The following MBOAT4 variants were observed in gnomAD, a reference collection of about 807,000 sequenced individuals.
The protein encoded by MBOAT4 is membrane-bound ghrelin O-acyltransferase MBOAT4.
MBOAT4 carries 11 observed loss-of-function variants against 13.2 expected under a neutral mutation model. The observed-to-expected ratio is 0.84, with a 90% CI of 0.53 to 1.38. The LOEUF (loss-of-function observed/expected upper bound fraction) is 1.38, where lower values mean the gene tolerates loss of function less well. Ranked by LOEUF, MBOAT4 falls within the 40% of genes most tolerant of loss-of-function variation. The pLI is 0.00. For missense variants in MBOAT4, 481 were observed against 527.2 expected (o/e 0.91, Z 0.86); for synonymous variants, 202 against 210.3 (o/e 0.96, Z 0.34).
intron 2 of MBOAT4, chr8:30,137,397 C>T: frequency 6.4e-7 from 1 of 1,551,646 alleles, no homozygotes; most frequent in South Asian, 1.2e-5. Flanking sequence ...GCAGAGTGTC[C>T]ACTCAACCCG....
intron 2 of MBOAT4, chr8:30,138,042 A>G (rs981522157): frequency 5.8e-6 from 1 of 173,032 alleles, no homozygotes; most frequent in South Asian, 1.3e-4. Flanking sequence ...GACTCAATGC[A>G]AGAAGACTGT....
chr8:30,137,207 G>A (rs1803166892), intron 2 of MBOAT4: 2 of 1,203,206 alleles, frequency 1.7e-6, no homozygotes, highest in Non-Finnish European at 1.2e-6. Context: ...CTCATCTCAG[G>A]GATCTTGCTG....
intron 1 of MBOAT4, among the ~76,000 whole-genome samples, chr8:30,140,377 C>T (rs946813824): frequency 3.9e-5 from 6 of 152,284 alleles, no homozygotes; most frequent in African/African-American, 7.2e-5. Context: ...CATAAGCCAT[C>T]GCGCCCGGCC....
intron 2 of MBOAT4, among the ~76,000 whole-genome samples, chr8:30,136,422 C>G (rs932150188): frequency 6.6e-6 from 1 of 152,192 alleles, no homozygotes; most frequent in African/African-American, 2.4e-5. Context: ...TCAGTGACTT[C>G]CAGCCTCCAG....
intron 2 of MBOAT4, among the ~76,000 whole-genome samples, chr8:30,136,714 A>G (rs1407395314): frequency 6.7e-6 from 1 of 149,044 alleles, no homozygotes; most frequent in Non-Finnish European, 1.5e-5. Context: ...TGGTGAAAAT[A>G]GTCTCTCCCC....
At chr8:30,133,390 C>A (rs1292217482) in intron 2 of MBOAT4, among the ~76,000 whole-genome samples, 1 of 152,122 alleles carries the variant, frequency 6.6e-6, no homozygotes, top group Non-Finnish European at 1.5e-5. Flanking sequence ...ATATGTATAT[C>A]TGTATGAATA....
intron 2 of MBOAT4, 104 bp downstream of exon 2, chr8:30,138,428 G>C (rs1278914390): frequency 1.2e-6 from 1 of 825,878 alleles, no homozygotes; most frequent in Non-Finnish European, 1.9e-6. Context: ...GGTCAAATGT[G>C]GAAAAATTAG....
In MBOAT4 at chr8:30,136,338, G is replaced by A. The variant is rs74739379; in HGVS notation, c.344+2194C>T. On this transcript the variant is annotated intron_variant, in intron 2 of 2. Coordinates refer to ENST00000320542, the MANE Select transcript of MBOAT4 (RefSeq NM_001100916.2). ...ACAGACAGAGGAGTGACCATCACGC[G>A]GACATACAGGGACACTGCCACCCGC... 2.7e-3 allele frequency among the ~76,000 whole-genome samples: 410 copies of A among 152,264 alleles called. 1 individual carries two copies. The highest frequency in any genetic ancestry group is 9.4e-3 in the African/African-American group (390 of 41,548).
Position 30,132,683 on chromosome 8 carries a change from C to A in MBOAT4, c.568G>T (p.Val190Phe). 6.4e-7 allele frequency: 1 copy of A among 1,551,776 alleles called. No homozygotes were observed. The highest frequency in any genetic ancestry group is 8.7e-7 in the Non-Finnish European group (1 of 1,147,008). Residue 190 changes from valine (V) to phenylalanine (F), a missense_variant, in exon 3 of 3, where the codon GTT (valine) becomes TTT (phenylalanine). By Grantham distance (50) the Val-to-Phe change is conservative. Transcript: ENST00000320542. ...LCSFQRFQAR[V>F]QGSSALHPRH... Reference sequence around the variant, plus strand: ...GGATGCAAAGCACTGGACCCTTGAACACGAGCCTGAAATCGCTGGAAGGAG... The same window carrying A: ...GGATGCAAAGCACTGGACCCTTGAAAACGAGCCTGAAATCGCTGGAAGGAG...
chr8:30,138,160 C>T (rs529414426), intron 2 of MBOAT4: 9 of 174,008 alleles, frequency 5.2e-5, no homozygotes, highest in Admixed American at 4.4e-4. Flanking sequence ...CCCAAATGCT[C>T]AGGGAAACTG....
At chr8:30,135,783 G>A (rs1803126243) in intron 2 of MBOAT4, among the ~76,000 whole-genome samples, 2 of 151,866 alleles carry the variant, frequency 1.3e-5, no homozygotes, top group Admixed American at 6.6e-5. Flanking sequence ...ATGTGGTGGT[G>A]CATGCCTGTG....
At chr8:30,143,777 T>C (rs1803303190) in intron 1 of MBOAT4, among the ~76,000 whole-genome samples, 1 of 152,248 alleles carries the variant, frequency 6.6e-6, no homozygotes, top group Middle Eastern at 3.2e-3. Flanking sequence ...GATGTAACTT[T>C]ATATAAAATT....
At chr8:30,137,692 G>A in intron 2 of MBOAT4, 1 of 583,584 alleles carries the variant, frequency 1.7e-6, no homozygotes, top group Non-Finnish European at 3.0e-6. Flanking sequence ...GTTCATTCCC[G>A]GGACTCATTT....
In MBOAT4 at chr8:30,132,049, C is replaced by G; in HGVS notation, c.1202G>C (p.Ser401Thr). ...AYIMLAVEVR[S>T]LSSLWLLCNS... The stretch of plus-strand genomic sequence containing the variant: ...ACAGAGCAACCAGAGAGAGGAGAGA[C>G]TCCTGACCTCCACAGCCAGCATGAT... Residue 401 changes from serine to threonine, a missense_variant, in exon 3 of 3, where the codon AGT (serine) becomes ACT (threonine). Ser to Thr is a moderately conservative substitution (Grantham distance 58, BLOSUM62 1). Coordinates refer to ENST00000320542, the MANE Select transcript of MBOAT4 (RefSeq NM_001100916.2). 6.4e-7 allele frequency: 1 copy of G among 1,551,798 alleles called. No individual in the cohort carries two copies. The highest frequency in any genetic ancestry group is 2.0e-5 in the Admixed American group (1 of 51,006).
In MBOAT4 at chr8:30,143,294, G is replaced by C. The variant is rs543034129; in HGVS notation, c.119+1189C>G. 3.8e-3 allele frequency among the ~76,000 whole-genome samples: 575 copies of C among 149,742 alleles called. 6 individuals are homozygous for C. The highest frequency in any genetic ancestry group is 0.014 in the African/African-American group (544 of 40,090). On this transcript the variant is annotated intron_variant, in intron 1 of 2. Coordinates refer to ENST00000320542, the MANE Select transcript of MBOAT4 (RefSeq NM_001100916.2). ...ATCCAGGAGGTGGAGGTTGCAGTGA[G>C]CCGAGATCGTGCCACTGCACTCCAG...
At chr8:30,136,343 T>C (rs1194806955) in intron 2 of MBOAT4, among the ~76,000 whole-genome samples, 1 of 152,140 alleles carries the variant, frequency 6.6e-6, no homozygotes, top group Non-Finnish European at 1.5e-5. Context: ...CACGCGGACA[T>C]ACAGGGACAC....
intron 2 of MBOAT4, among the ~76,000 whole-genome samples, 169 bp from the exon 3 acceptor site, chr8:30,133,075 C>A (rs1208165621): frequency 6.6e-6 from 1 of 152,050 alleles, no homozygotes; most frequent in Non-Finnish European, 1.5e-5. Context: ...TAAAATAAAT[C>A]AATCTTATTT....
chr8:30,132,709 C>A lies in MBOAT4; in HGVS notation c.542G>T (p.Cys181Phe). Residue 181 changes from cysteine (C) to phenylalanine (F), a missense_variant, in exon 3 of 3, where the codon TGC becomes TTC. Coordinates refer to ENST00000320542, the MANE Select transcript of MBOAT4 (RefSeq NM_001100916.2). The part of the protein sequence containing the change: ...FFPALLGGSL[C>F]SFQRFQARVQ... The stretch of plus-strand genomic sequence containing the variant: ...ACGAGCCTGAAATCGCTGGAAGGAG[C>A]ACAGAGAGCCTCCCAGGAGAGCAGG... 6.4e-7 allele frequency: 1 copy of A among 1,551,746 alleles called. No individual in the cohort carries two copies. The highest frequency in any genetic ancestry group is 8.7e-7 in the Non-Finnish European group (1 of 1,147,008).
chr8:30,138,927 C>T (rs181139401), intron 1 of MBOAT4, among the ~76,000 whole-genome samples, 171 bp from the exon 2 acceptor site: 3 of 151,938 alleles, frequency 2.0e-5, no homozygotes, highest in Admixed American at 1.3e-4. Context: ...AAAAGAATCA[C>T]GGGAGAAGGA....
Sources: gnomAD v4.1 joint callset for allele counts (sites outside exome capture counted in the v4.1 genomes callset) on GRCh38, gnomAD v4.1.1 for gene constraint, MANE v1.5 for transcripts, NCBI Gene and HGNC (gene_info 2026-07-23, HGNC 2026-07-21) for gene names.